CHAF1A: variants seen among roughly 807,000 people sequenced by gnomAD.
CHAF1A encodes the protein chromatin assembly factor 1 subunit A.
CHAF1A carries 5 observed loss-of-function variants against 93.2 expected under a neutral mutation model. The observed-to-expected ratio is 0.05, with a 90% confidence interval of 0.03 to 0.11. CHAF1A has a LOEUF of 0.11. Among genes scored for constraint, CHAF1A ranks in the 10% least tolerant of loss-of-function variants. The probability of loss-of-function intolerance (pLI) is 1.00; values close to 1 mark genes in which losing one functional copy is unlikely to be tolerated. For missense variants in CHAF1A, 1,102 were observed against 1,259.9 expected, an observed-to-expected ratio of 0.87 and a Z score of 1.90; for synonymous variants, 504 against 510.3, an observed-to-expected ratio of 0.99 and a Z score of 0.17.
At chr19:4,427,777 C>T (rs1225073981) in intron 7 of CHAF1A, among the ~76,000 whole-genome samples, 3 of 152,116 alleles carry the variant, frequency 2.0e-5, no homozygotes, top group South Asian at 2.1e-4. Context: ...TAGTAGAGAC[C>T]GGGTTTCACT....
downstream of CHAF1A, chr19:4,447,168 C>G: frequency 1.7e-6 from 1 of 593,058 alleles, no homozygotes; most frequent in East Asian, 2.8e-5. Flanking sequence ...GCTGAGGAGC[C>G]AGACACTGCT....
In CHAF1A at chr19:4,411,690, C is replaced by T. The variant is rs190900727; in HGVS notation, c.960+1931C>T. Among the ~76,000 whole-genome samples the T allele has an allele frequency of 1.4e-3, 148 of 104,384 alleles. 2 individuals carry two copies. Among genetic ancestry groups the T allele is most frequent in the African/African-American group, 5.1e-3 (143 of 27,902 alleles). 68.5% of individuals were successfully genotyped at this position (104,384 alleles called of 152,430 possible). ...TGAGACATGGTCTCACCCTGTCGCC[C>T]AGGCTGGAGGGCAATGGCATGGTCT... On this transcript the variant is annotated intron_variant, in intron 3 of 14. Transcript: ENST00000301280.
chr19:4,427,092 G>GAA (rs1029844788), intron 7 of CHAF1A, among the ~76,000 whole-genome samples: 1 of 92,868 alleles, frequency 1.1e-5, no homozygotes. Context: ...CTCCATCTCA[G>GAA]AAAAAAAAAA....
downstream of CHAF1A, chr19:4,448,073 G>A (rs1974575606): frequency 1.8e-6 from 1 of 569,246 alleles, no homozygotes; most frequent in South Asian, 2.1e-5. Context: ...GTTCCCCAAG[G>A]AAGCCAGGGT....
intron 13 of CHAF1A, among the ~76,000 whole-genome samples, chr19:4,435,040 T>A (rs1428074590): frequency 6.6e-6 from 1 of 152,074 alleles, no homozygotes; most frequent in East Asian, 1.9e-4. Context: ...CTTTTTGTCC[T>A]TACCACACAG....
chr19:4,406,108 C>G, intron 2 of CHAF1A, 146 bp downstream of exon 2: 1 of 681,866 alleles, frequency 1.5e-6, no homozygotes, highest in Non-Finnish European at 2.6e-6. Context: ...GCTTTTCACA[C>G]AGTAATGTCT....
At chr19:4,446,466 C>G, downstream of CHAF1A, 7 of 1,588,746 alleles carry the variant, frequency 4.4e-6, no homozygotes, top group Non-Finnish European at 5.1e-6. Context: ...CCACCCCGCC[C>G]CGCCCCACTC....
At chr19:4,427,387 C>T (rs1339953507) in intron 7 of CHAF1A, among the ~76,000 whole-genome samples, 2 of 141,748 alleles carry the variant, frequency 1.4e-5, no homozygotes, top group African/African-American at 5.4e-5. Flanking sequence ...TGGAGTGGTG[C>T]AGTGGCACGA....
intron 3 of CHAF1A, among the ~76,000 whole-genome samples, chr19:4,412,558 A>G (rs1023522516): frequency 7.9e-5 from 12 of 152,010 alleles, no homozygotes; most frequent in African/African-American, 1.4e-4. Flanking sequence ...AAAAAAAAAA[A>G]GGACAGGACA....
downstream of CHAF1A, chr19:4,445,088 C>A: frequency 1.1e-5 from 2 of 188,520 alleles, no homozygotes; most frequent in Non-Finnish European, 1.1e-5. Context: ...CCCCTCCTGC[C>A]GTTGTCACCC....
downstream of CHAF1A, chr19:4,447,331 G>A: frequency 5.1e-6 from 3 of 592,280 alleles, no homozygotes; most frequent in Non-Finnish European, 9.1e-6. Context: ...TGCAGGTGAG[G>A]AGAGGCAGAA....
chr19:4,405,313 G>T (rs553109099), intron 1 of CHAF1A, among the ~76,000 whole-genome samples: 1 of 152,276 alleles, frequency 6.6e-6, no homozygotes, highest in Non-Finnish European at 1.5e-5. Context: ...AGTGTCTAGG[G>T]TAGGATTTCT....
intron 7 of CHAF1A, among the ~76,000 whole-genome samples, chr19:4,428,287 C>G (rs1456595266): frequency 3.4e-5 from 5 of 145,364 alleles, no homozygotes; most frequent in Non-Finnish European, 7.5e-5. Flanking sequence ...CCACTGCCCC[C>G]GGCCTTTTTT....
intron 3 of CHAF1A, among the ~76,000 whole-genome samples, chr19:4,416,340 C>T (rs557974753): frequency 6.6e-6 from 1 of 152,336 alleles, no homozygotes; most frequent in African/African-American, 2.4e-5. Context: ...TTGCTCTTCA[C>T]TTCTACTAGT....
In CHAF1A at chr19:4,409,016, G is replaced by T; in HGVS notation, c.217G>T (p.Asp73Tyr). The T allele has an allele frequency of 6.2e-7, 1 of 1,614,146 alleles. No individual in the cohort carries two copies. The highest frequency in any genetic ancestry group is 8.5e-7 in the Non-Finnish European group (1 of 1,180,038). Residue 73 changes from aspartate to tyrosine, a missense_variant, in exon 3 of 15, where the codon GAC (aspartate) becomes TAC (tyrosine). This residue lies in a region of CHAF1A where 379 missense variants were observed against 365.7 expected (regional missense o/e 1.04). Coordinates refer to ENST00000301280, the MANE Select transcript of CHAF1A (RefSeq NM_005483.3). Reference sequence around the variant, plus strand: ...AAGCCCCGATTTAGAGGCCTCTTTGGACACCTTGGAAAACAACTGTCATGT... The same window carrying T: ...AAGCCCCGATTTAGAGGCCTCTTTGTACACCTTGGAAAACAACTGTCATGT... ...SKSPDLEASL[D>Y]TLENNCHVGS...
intron 11 of CHAF1A, chr19:4,430,890 C>T (rs540423656): frequency 9.6e-5 from 48 of 499,440 alleles, no homozygotes; most frequent in African/African-American, 1.9e-4. Flanking sequence ...GGTGAGGGAG[C>T]GTGGCCATGG....
chr19:4,408,869 G>A (rs772432849), intron 2 of CHAF1A, 34 bp from the exon 3 acceptor site: 9 of 1,567,622 alleles, frequency 5.7e-6, no homozygotes, highest in South Asian at 2.4e-5. Flanking sequence ...AACTTTAAAC[G>A]TTCACTAGAG....
At chr19:4,444,122 A>G (rs557804956), downstream of CHAF1A, among the ~76,000 whole-genome samples, 1 of 152,290 alleles carries the variant, frequency 6.6e-6, no homozygotes, top group East Asian at 1.9e-4. Context: ...ACCCGGAATC[A>G]GGTCCTGGGG....
At chr19:4,415,982 G>A (rs1973890846) in intron 3 of CHAF1A, among the ~76,000 whole-genome samples, 1 of 152,072 alleles carries the variant, frequency 6.6e-6, no homozygotes, top group Non-Finnish European at 1.5e-5. Flanking sequence ...GACCATCCTG[G>A]CTAACATGGT....
Sources: gnomAD v4.1 joint callset for allele counts (sites outside exome capture counted in the v4.1 genomes callset) on GRCh38, gnomAD v4.1.1 for gene constraint, gnomAD v4.1.1 regional missense constraint, MANE v1.5 for transcripts, NCBI Gene and HGNC (gene_info 2026-07-23, HGNC 2026-07-21) for gene names.